CCDC97: variants seen among roughly 807,000 people sequenced by gnomAD.
CCDC97 encodes coiled-coil domain-containing protein 97.
Under a neutral mutation model 33.9 loss-of-function variants are expected in CCDC97, and 27 were observed. The ratio of observed to expected loss-of-function variants is 0.80; its 90% CI spans 0.59 to 1.10. The LOEUF (loss-of-function observed/expected upper bound fraction) is 1.10, where lower values mean the gene tolerates loss of function less well. CCDC97 is among the 50% of genes least tolerant of loss of function. The pLI, the probability that CCDC97 is intolerant of heterozygous loss-of-function variation, is 0.00. For missense variants in CCDC97, 422 were observed against 476.6 expected (o/e 0.89, Z 1.07); for synonymous variants, 217 against 194.0 (o/e 1.12, Z -0.99).
Position 41,322,970 on chromosome 19 carries a change from CTCTTTCTG to C in CCDC97, c.*267_*274del, listed in dbSNP as rs2037840867. ...GGTGTCTGTCTGGGCTTCTTTCTGT[CTCTTTCTG>C]TCTTTCTGTCTCTCTCCCTACCCCC... On this transcript the variant is annotated 3_prime_UTR_variant, in exon 5 of 5. Transcript: ENST00000269967. 3.1e-6 allele frequency: 1 copy of C among 325,688 alleles called. No individual in the cohort carries two copies. The highest frequency in any genetic ancestry group is 9.3e-4 in the Middle Eastern group (1 of 1,072). 20.2% of individuals were successfully genotyped at this position (325,688 alleles called of 1,614,324 possible).
intron 1 of CCDC97, among the ~76,000 whole-genome samples, chr19:41,315,031 G>T (rs1437068000): frequency 3.3e-5 from 5 of 150,392 alleles, no homozygotes. Context: ...GCCAGGCGCA[G>T]TGGCTCACGC....
chr19:41,316,480 C>T lies in CCDC97; in HGVS notation c.143C>T (p.Pro48Leu). The T allele has an allele frequency of 6.2e-7, 1 of 1,614,232 alleles. No homozygotes were observed. The highest frequency in any genetic ancestry group is 8.5e-7 in the Non-Finnish European group (1 of 1,180,022). ...QDKVEAAEAT[P>L]VALDSDTSGA... ...AAAGTGGAAGCAGCTGAGGCAACACCAGTGGCCCTGGACAGTGACACCTCC... is the reference window on the plus strand; with the variant it reads ...AAAGTGGAAGCAGCTGAGGCAACACTAGTGGCCCTGGACAGTGACACCTCC... The change falls in exon 2 of 5, where the codon CCA becomes CTA. Residue 48 changes from proline to leucine, a missense_variant. Coordinates refer to ENST00000269967, the MANE Select transcript of CCDC97 (RefSeq NM_052848.3).
intron 1 of CCDC97, 136 bp downstream of exon 1, chr19:41,310,492 T>C (rs1360108047): frequency 3.0e-5 from 45 of 1,483,828 alleles, no homozygotes; most frequent in Non-Finnish European, 3.5e-5. Flanking sequence ...TCCTCTTCAC[T>C]ACTTTGCCCA....
chr19:41,320,651 G>C (rs1433710585), intron 4 of CCDC97, 181 bp downstream of exon 4: 1 of 662,038 alleles, frequency 1.5e-6, no homozygotes, highest in Admixed American at 2.7e-5. Context: ...GACTAGCCTT[G>C]TCCATCTCAG....
In CCDC97 at chr19:41,322,211, A is replaced by T. The variant is rs563626456; in HGVS notation, c.912-384A>T. ...TGGCCTGAAGTGAGCCTCCCGCCTC[A>T]GCCAACTGAGTAAGCTGGGACTACA... On this transcript the variant is annotated intron_variant, in intron 4 of 4. Coordinates refer to ENST00000269967, the MANE Select transcript of CCDC97 (RefSeq NM_052848.3). Among the ~76,000 whole-genome samples the T allele has an allele frequency of 1.1e-4, 16 of 152,250 alleles. No homozygotes were observed. In the South Asian group the frequency reaches 3.3e-3, roughly 32 times the overall value.
intron 2 of CCDC97, among the ~76,000 whole-genome samples, chr19:41,317,804 CTT>C (rs1167475362): frequency 6.6e-6 from 1 of 151,378 alleles, no homozygotes; most frequent in African/African-American, 2.4e-5. Context: ...GATCCCAGCA[CTT>C]TGGGAGGGCG....
At chr19:41,316,927 C>G in intron 2 of CCDC97, 88 bp downstream of exon 2, 1 of 1,004,790 alleles carries the variant, frequency 1.0e-6, no homozygotes, top group Non-Finnish European at 1.4e-6. Flanking sequence ...AATACAAGAG[C>G]AGAGACAGAG....
chr19:41,311,000 T>A (rs917851193), intron 1 of CCDC97: 1 of 329,446 alleles, frequency 3.0e-6, no homozygotes, highest in African/African-American at 2.2e-5. Context: ...CAGATGGAGA[T>A]GATTGGTATA....
rs903315690 is a variant in CCDC97 at position 41,323,004 on chromosome 19, G to A, written c.*289G>A. 8.8e-6 allele frequency: 2 copies of A among 227,384 alleles called. No individual in the cohort carries two copies. The highest frequency in any genetic ancestry group is 6.4e-5 in the South Asian group (1 of 15,552). The allele number at this position is 227,384 out of a possible 1,614,324, so 14.1% of individuals were successfully genotyped here. A position where few individuals can be genotyped will look rare whatever the true frequency, so the allele number is the denominator to read the frequency against. On this transcript the variant is annotated 3_prime_UTR_variant, in exon 5 of 5. Transcript: ENST00000269967. ...TCTTTCTGTCTCTCTCCCTACCCCC[G>A]CTCCCTCTTTCCAGTGCTCTGGCTG...
chr19:41,313,869 T>A (rs1295792999), intron 1 of CCDC97, among the ~76,000 whole-genome samples: 1 of 152,080 alleles, frequency 6.6e-6, no homozygotes, highest in Non-Finnish European at 1.5e-5. Flanking sequence ...CCAGCTGATT[T>A]TTGTATTTTT....
chr19:41,319,960 A>G (rs2037802063), intron 3 of CCDC97, 108 bp downstream of exon 3: 2 of 626,244 alleles, frequency 3.2e-6, no homozygotes, highest in Middle Eastern at 4.3e-4. Context: ...AAAAGCCGAC[A>G]TTGCGTCCCT....
chr19:41,320,523 TG>T, intron 4 of CCDC97, 53 bp downstream of exon 4: 1 of 1,610,404 alleles, frequency 6.2e-7, no homozygotes. Flanking sequence ...CCACGGCCTT[TG>T]GTCACATGCA....
intron 2 of CCDC97, 80 bp from the exon 3 acceptor site, chr19:41,319,494 G>A (rs1599875615): frequency 2.0e-6 from 2 of 1,025,126 alleles, no homozygotes; most frequent in East Asian, 2.4e-5. Context: ...CATCCCACAA[G>A]CATGATCACA....
chr19:41,310,288 T>G lies in CCDC97; in HGVS notation c.-23T>G. 6.3e-7 allele frequency: 1 copy of G among 1,592,778 alleles called. No homozygotes were observed. The highest frequency in any genetic ancestry group is 1.3e-5 in the African/African-American group (1 of 74,620). ...TTAGTGTGCGGGGCCCGCCGGGCGG[T>G]TGAAAAGTCCGAGAGAATCAGGATG... On this transcript the variant is annotated 5_prime_UTR_variant, in exon 1 of 5. Coordinates refer to ENST00000269967, the MANE Select transcript of CCDC97 (RefSeq NM_052848.3).
At chr19:41,316,115 C>G (rs2037742701) in intron 1 of CCDC97, among the ~76,000 whole-genome samples, 1 of 152,120 alleles carries the variant, frequency 6.6e-6, no homozygotes, top group South Asian at 2.1e-4. Context: ...AAATTGCAGC[C>G]TCCTCCACCT....
chr19:41,316,987 G>C (rs2037757661), intron 2 of CCDC97, 148 bp downstream of exon 2: 1 of 656,118 alleles, frequency 1.5e-6, no homozygotes, highest in Non-Finnish European at 2.6e-6. Context: ...GGAAGAGACT[G>C]AGACAGAAAT....
chr19:41,322,740 GCCCCAT>G lies in CCDC97; in HGVS notation c.*37_*42del. 6.2e-7 allele frequency: 1 copy of G among 1,608,314 alleles called. No individual in the cohort carries two copies. Among genetic ancestry groups the G allele is most frequent in the Non-Finnish European group, 8.5e-7 (1 of 1,176,878 alleles). ...ATGGCCGCCACCCTTCCCACCGCCT[GCCCCAT>G]CCCCATCCCCAACAAGGCAGCTGAT... On this transcript the variant is annotated 3_prime_UTR_variant, in exon 5 of 5. Coordinates refer to ENST00000269967, the MANE Select transcript of CCDC97 (RefSeq NM_052848.3).
Position 41,316,805 on chromosome 19 carries a change from C to A in CCDC97, c.468C>A (p.Asn156Lys), listed in dbSNP as rs2123057800. The A allele has an allele frequency of 6.3e-7, 1 of 1,599,058 alleles. No homozygotes were observed. Among genetic ancestry groups the A allele is most frequent in the East Asian group, 2.3e-5 (1 of 44,408 alleles). ...GCACCCTGCGTACCCGCCTGCGTAA[C>A]CGGCGCTATGCTGCCCTGCGAGAGC... is the stretch of plus-strand genomic sequence containing the variant. ...RPRTLRTRLR[N>K]RRYAALRELI... Residue 156 changes from asparagine (N) to lysine (K), a missense_variant, in exon 2 of 5, where the codon AAC (asparagine) becomes AAA (lysine). Transcript: ENST00000269967.
At chr19:41,318,376 C>T (rs899530804) in intron 2 of CCDC97, among the ~76,000 whole-genome samples, 22 of 152,190 alleles carry the variant, frequency 1.4e-4, no homozygotes, top group South Asian at 4.2e-4. Flanking sequence ...CACTTGAACC[C>T]GGGAGGCGGA....
Sources: gnomAD v4.1 joint callset for allele counts (sites outside exome capture counted in the v4.1 genomes callset) on GRCh38, gnomAD v4.1.1 for gene constraint, MANE v1.5 for transcripts, NCBI Gene and HGNC (gene_info 2026-07-23, HGNC 2026-07-21) for gene names.